The following PPP1R16B variants were observed in gnomAD, a reference collection of about 807,000 sequenced individuals.
The protein encoded by PPP1R16B is protein phosphatase 1 regulatory subunit 16B, also known as protein phosphatase 1 regulatory inhibitor subunit 16B.
PPP1R16B carries 14 observed loss-of-function variants against 61.7 expected under a neutral mutation model. The observed-to-expected ratio is 0.23, with a 90% CI of 0.15 to 0.35. The LOEUF (loss-of-function observed/expected upper bound fraction) is 0.35, where lower values mean the gene tolerates loss of function less well. PPP1R16B is among the 10% of genes least tolerant of loss of function. The pLI is 1.00. For synonymous variants in PPP1R16B, 266 were observed against 305.3 expected (o/e 0.87, Z 1.34); for missense variants, 547 against 752.5 (o/e 0.73, Z 3.19).
intron 1 of PPP1R16B, among the ~76,000 whole-genome samples, chr20:38,821,313 C>T (rs1463953803): frequency 6.6e-6 from 1 of 152,210 alleles, no homozygotes; most frequent in Non-Finnish European, 1.5e-5. Context: ...ATGTGTCAAA[C>T]CTGACAGCCT....
chr20:38,911,161 TTTTC>T (rs911204126), intron 10 of PPP1R16B, among the ~76,000 whole-genome samples: 13 of 145,898 alleles, frequency 8.9e-5, no homozygotes, highest in South Asian at 2.2e-4. Flanking sequence ...CTTGTTTTTT[TTTTC>T]TTTTTCTTTT....
At chr20:38,810,225 A>C (rs922298580) in intron 1 of PPP1R16B, among the ~76,000 whole-genome samples, 36 of 152,226 alleles carry the variant, frequency 2.4e-4, no homozygotes, top group African/African-American at 8.4e-4. Context: ...AAAGTGCTGG[A>C]TGTTTTTGGA....
intron 2 of PPP1R16B, among the ~76,000 whole-genome samples, chr20:38,875,953 G>A (rs890941991): frequency 8.7e-4 from 131 of 150,068 alleles, no homozygotes; most frequent in African/African-American, 3.1e-3. Flanking sequence ...AGGGTGAAAT[G>A]AGACTGTGGT....
chr20:38,866,303 A>T (rs926735177), intron 2 of PPP1R16B, among the ~76,000 whole-genome samples: 2 of 152,074 alleles, frequency 1.3e-5, no homozygotes, highest in Non-Finnish European at 2.9e-5. Context: ...AGCGGGAAGA[A>T]GGGGCACCTC....
rs375915012 is a variant in PPP1R16B, at chr20:38,836,083, G to A, written c.158G>A (p.Arg53Gln). Residue 53 changes from arginine (R) to glutamine (Q), a missense_variant, in exon 2 of 11, where the codon CGG becomes CAG. By Grantham distance (43) the Arg-to-Gln change is conservative. Transcript: ENST00000299824. ...DLQHRKRKHE[R>Q]KRSTGGRRKK... ...CAGCACCGCAAGCGAAAGCATGAGC[G>A]GAAGCGCAGCACGGGCGGCCGCCGC... 3 of 1,611,658 alleles carry A rather than the reference G, an allele frequency of 1.9e-6. No individual in the cohort carries two copies. Among genetic ancestry groups the A allele is most frequent in the Non-Finnish European group, 2.5e-6 (3 of 1,179,544 alleles).
chr20:38,854,161 G>A (rs2084987786), intron 2 of PPP1R16B, among the ~76,000 whole-genome samples: 1 of 152,176 alleles, frequency 6.6e-6, no homozygotes, highest in Non-Finnish European at 1.5e-5. Flanking sequence ...GATGTCCCTG[G>A]AATGTCTGAG....
chr20:38,918,363 G>A lies in PPP1R16B; in HGVS notation c.1401G>A (p.Pro467=), dbSNP rs774677288. ...ACCCTGGCGTGGCCGACGCCACCCC[G>A]CCCTGGAGCAGCTACAAGGAACAGA... ...YGNPGVADAT[P]PWSSYKEQSP... is the part of the protein sequence containing the mutation. The change falls in exon 11 of 11, where the codon CCG becomes CCA. Residue 467 remains proline (P), a synonymous_variant. Transcript: ENST00000299824. This position sits in a 1 kb window ranked among gnomAD's most constrained non-coding sequence, Gnocchi z 5.3. 12 of 1,614,060 alleles carry A rather than the reference G, an allele frequency of 7.4e-6. No individual in the cohort carries two copies. Among genetic ancestry groups the A allele is most frequent in the Non-Finnish European group, 1.0e-5 (12 of 1,180,018 alleles).
At chr20:38,860,625 A>G (rs1222036797) in intron 2 of PPP1R16B, among the ~76,000 whole-genome samples, 1 of 152,146 alleles carries the variant, frequency 6.6e-6, no homozygotes, top group Non-Finnish European at 1.5e-5. Flanking sequence ...ACTGACCAGA[A>G]CCCAGACTGT....
At chr20:38,885,849 C>A (rs1471872682) in intron 2 of PPP1R16B, among the ~76,000 whole-genome samples, 2 of 152,200 alleles carry the variant, frequency 1.3e-5, no homozygotes, top group Non-Finnish European at 2.9e-5. Flanking sequence ...AGTCTCGGCT[C>A]ACTGCAACCT....
At position 38,907,840 on chromosome 20, in the gene PPP1R16B, G is replaced by A. The variant is rs1330141399; in HGVS notation, c.933G>A (p.Leu311=). The change falls in exon 9 of 11, where the codon CTG becomes CTA. Residue 311 remains leucine, a synonymous_variant. Coordinates refer to ENST00000299824, the MANE Select transcript of PPP1R16B (RefSeq NM_015568.4). The surrounding 1 kb of genome is among the most constrained non-coding windows in gnomAD (Gnocchi z 4.5). ...LCEEEEFKVL[L]LELKHKHDVI... ...AGGAGGAAGAGTTCAAGGTCCTGCT[G>A]CTGGAGCTAAAACACAAGCATGATG... 6.2e-7 allele frequency: 1 copy of A among 1,614,170 alleles called. No individual in the cohort carries two copies. The highest frequency in any genetic ancestry group is 1.3e-5 in the African/African-American group (1 of 75,036).
chr20:38,918,289 G>A lies in PPP1R16B; in HGVS notation c.1327G>A (p.Asp443Asn), dbSNP rs747255458. 4.3e-6 allele frequency: 7 copies of A among 1,614,132 alleles called. No individual in the cohort carries two copies. The highest frequency in any genetic ancestry group is 5.9e-6 in the Non-Finnish European group (7 of 1,180,058). Residue 443 changes from aspartate (D) to asparagine (N), a missense_variant, in exon 11 of 11, where the codon GAT becomes AAT. Transcript: ENST00000299824. The surrounding 1 kb of genome is among the most constrained non-coding windows in gnomAD (Gnocchi z 5.3). ...CTACCAGTATGCGCTGGCCAACGGGGATGTCTGGAAGGTGCATGAGGTGCC... is the reference window on the plus strand; with the variant it reads ...CTACCAGTATGCGCTGGCCAACGGGAATGTCTGGAAGGTGCATGAGGTGCC... ...SAYQYALANG[D>N]VWKVHEVPDY... is the part of the protein sequence containing the mutation.
chr20:38,837,062 G>A (rs1370331128), intron 2 of PPP1R16B, among the ~76,000 whole-genome samples: 2 of 152,176 alleles, frequency 1.3e-5, no homozygotes, highest in Non-Finnish European at 2.9e-5. Context: ...CCCATGCCTG[G>A]CACCCTCTGA....
intron 1 of PPP1R16B, among the ~76,000 whole-genome samples, chr20:38,825,608 A>G (rs1324187968): frequency 2.0e-5 from 3 of 152,154 alleles, no homozygotes; most frequent in Non-Finnish European, 4.4e-5. Flanking sequence ...AGGATGGGTT[A>G]TTGGAAACAT....
At chr20:38,840,545 A>T (rs1189008197) in intron 2 of PPP1R16B, among the ~76,000 whole-genome samples, 1 of 151,980 alleles carries the variant, frequency 6.6e-6, no homozygotes, top group Non-Finnish European at 1.5e-5. Flanking sequence ...ACACCTTTGT[A>T]TATGCAATTC....
Position 38,922,516 on chromosome 20 carries a change from C to G in PPP1R16B, c.*3850C>G, listed in dbSNP as rs571877559. 1.3e-5 allele frequency: 2 copies of G among 152,704 alleles called. No homozygotes were observed. Among genetic ancestry groups the G allele is most frequent in the Non-Finnish European group, 2.9e-5 (2 of 68,034 alleles). 9.5% of individuals were successfully genotyped at this position (152,704 alleles called of 1,614,324 possible). On this transcript the variant is annotated 3_prime_UTR_variant, in exon 11 of 11. Coordinates refer to ENST00000299824, the MANE Select transcript of PPP1R16B (RefSeq NM_015568.4). Reference sequence around the variant, plus strand: ...AGTGGATGACTCTGCAAAAGTGACCCCCTGTGCCAGAAGCTATAGCCCTCT... The same window carrying G: ...AGTGGATGACTCTGCAAAAGTGACCGCCTGTGCCAGAAGCTATAGCCCTCT...
At chr20:38,807,711 C>T (rs529744145) in intron 1 of PPP1R16B, among the ~76,000 whole-genome samples, 36 of 152,302 alleles carry the variant, frequency 2.4e-4, no homozygotes, top group African/African-American at 7.9e-4. Context: ...CCAGGCCACC[C>T]TGGACTGTCA....
intron 3 of PPP1R16B, among the ~76,000 whole-genome samples, chr20:38,893,837 T>C (rs1568677643): frequency 6.6e-6 from 1 of 152,036 alleles, no homozygotes; most frequent in African/African-American, 2.4e-5. Flanking sequence ...AGGCTTCCAC[T>C]CCACCCCCTA....
intron 2 of PPP1R16B, among the ~76,000 whole-genome samples, chr20:38,840,830 A>G (rs2084904641): frequency 6.6e-6 from 1 of 152,144 alleles, no homozygotes; most frequent in African/African-American, 2.4e-5. Flanking sequence ...CCATCTCCCC[A>G]TCGGTAAAAA....
In PPP1R16B at chr20:38,918,691, T is replaced by A; in HGVS notation, c.*25T>A. 1 of 1,491,784 alleles carries A rather than the reference T, an allele frequency of 6.7e-7. No individual in the cohort carries two copies. Among genetic ancestry groups the A allele is most frequent in the South Asian group, 1.4e-5 (1 of 71,356 alleles). 92.4% of individuals were successfully genotyped at this position (1,491,784 alleles called of 1,614,324 possible). A position where few individuals can be genotyped will look rare whatever the true frequency, so the allele number is the denominator to read the frequency against. Reference sequence around the variant, plus strand: ...GTCTCCGTGTGATGGAGGAGGGAGATGCCTGGGGAGGGGCTCCTGGAATCC... The same window carrying A: ...GTCTCCGTGTGATGGAGGAGGGAGAAGCCTGGGGAGGGGCTCCTGGAATCC... On this transcript the variant is annotated 3_prime_UTR_variant, in exon 11 of 11. Coordinates refer to ENST00000299824, the MANE Select transcript of PPP1R16B (RefSeq NM_015568.4). This position sits in a 1 kb window ranked among gnomAD's most constrained non-coding sequence, Gnocchi z 5.3.
Sources: gnomAD v4.1 joint callset for allele counts (sites outside exome capture counted in the v4.1 genomes callset) on GRCh38, gnomAD v4.1.1 for gene constraint, Gnocchi (gnomAD v3.1) non-coding constraint, MANE v1.5 for transcripts, NCBI Gene and HGNC (gene_info 2026-07-23, HGNC 2026-07-21) for gene names.